Variants in ADAMTSL1 observed in about 807,000 individuals in gnomAD.
ADAMTSL1 encodes ADAMTS like 1.
A neutral mutation model predicts 201.8 loss-of-function variants in ADAMTSL1; 126 were observed. The observed-to-expected ratio is 0.62, with a 90% CI of 0.54 to 0.72. The LOEUF (loss-of-function observed/expected upper bound fraction) is 0.72. Among genes scored for constraint, ADAMTSL1 ranks in the 30% least tolerant of loss-of-function variants. The probability of loss-of-function intolerance (pLI) is 0.00; values close to 1 mark genes in which losing one functional copy is unlikely to be tolerated. For synonymous variants in ADAMTSL1, 1,121 were observed against 903.4 expected (o/e 1.24, Z -4.32); for missense variants, 2,679 against 2,277.8 (o/e 1.18, Z -3.59).
intron 1 of ADAMTSL1, among the ~76,000 whole-genome samples, chr9:18,493,896 T>C (rs1002203507): frequency 6.6e-6 from 1 of 152,214 alleles, no homozygotes; most frequent in Non-Finnish European, 1.5e-5. Flanking sequence ...ATTACGTATC[T>C]GGTGTTCTAC....
At chr9:17,961,258 AT>A (rs1393636207) in intron 1 of ADAMTSL1, among the ~76,000 whole-genome samples, 5 of 151,724 alleles carry the variant, frequency 3.3e-5, no homozygotes, top group South Asian at 4.2e-4. Flanking sequence ...TATTATTATT[AT>A]TTTTTTGAGA....
At chr9:18,328,109 G>T (rs552470081) in intron 2 of ADAMTSL1, among the ~76,000 whole-genome samples, 1 of 152,328 alleles carries the variant, frequency 6.6e-6, no homozygotes, top group African/African-American at 2.4e-5. Context: ...AGATTATGCA[G>T]ATTTTGAGAA....
chr9:18,837,267 G>A (rs1480210053), intron 23 of ADAMTSL1, among the ~76,000 whole-genome samples: 1 of 152,088 alleles, frequency 6.6e-6, no homozygotes, highest in African/African-American at 2.4e-5. Flanking sequence ...TCTTTAGTTA[G>A]TTTTGTATAT....
At chr9:17,987,121 G>GGA (rs1387216878) in intron 1 of ADAMTSL1, among the ~76,000 whole-genome samples, 1 of 151,964 alleles carries the variant, frequency 6.6e-6, no homozygotes, top group Non-Finnish European at 1.5e-5. Context: ...CTGAGTTTTC[G>GGA]GAGAGTATCT....
At chr9:18,560,557 G>A (rs542124290) in intron 3 of ADAMTSL1, among the ~76,000 whole-genome samples, 4 of 152,028 alleles carry the variant, frequency 2.6e-5, no homozygotes, top group South Asian at 4.2e-4. Context: ...TTCATTTTCT[G>A]TTGTTTGGAA....
intron 23 of ADAMTSL1, among the ~76,000 whole-genome samples, chr9:18,858,067 A>G (rs1305747321): frequency 6.6e-6 from 1 of 151,944 alleles, no homozygotes; most frequent in Non-Finnish European, 1.5e-5. Context: ...AAAAATGCAT[A>G]TATCTGTGCA....
At chr9:18,890,056 C>A (rs1428040455) in intron 25 of ADAMTSL1, among the ~76,000 whole-genome samples, 1 of 152,186 alleles carries the variant, frequency 6.6e-6, no homozygotes, top group Non-Finnish European at 1.5e-5. Flanking sequence ...AGACGCCCCC[C>A]ATCCTACAGT....
At chr9:18,878,034 C>G (rs1828280328) in intron 23 of ADAMTSL1, among the ~76,000 whole-genome samples, 1 of 152,108 alleles carries the variant, frequency 6.6e-6, no homozygotes, top group Admixed American at 6.5e-5. Context: ...CTATGTCATA[C>G]AAGTTGCCAT....
intron 2 of ADAMTSL1, among the ~76,000 whole-genome samples, chr9:18,308,033 A>C (rs1197423706): frequency 6.6e-6 from 1 of 152,192 alleles, no homozygotes; most frequent in African/African-American, 2.4e-5. Flanking sequence ...CTCAGGATTC[A>C]GAAACTCACT....
At chr9:18,033,447 A>C (rs1453922757) in intron 1 of ADAMTSL1, among the ~76,000 whole-genome samples, 1 of 152,206 alleles carries the variant, frequency 6.6e-6, no homozygotes, top group Non-Finnish European at 1.5e-5. Context: ...ATTTTAACAC[A>C]TTGTTTCCAC....
chr9:17,918,092 C>T (rs1345865172), intron 1 of ADAMTSL1, among the ~76,000 whole-genome samples: 1 of 151,746 alleles, frequency 6.6e-6, no homozygotes, highest in East Asian at 1.9e-4. Flanking sequence ...TTTTATCAAT[C>T]TTCTCAAAGA....
At chr9:18,332,735 A>G (rs1355041457) in intron 2 of ADAMTSL1, among the ~76,000 whole-genome samples, 1 of 152,206 alleles carries the variant, frequency 6.6e-6, no homozygotes, top group Non-Finnish European at 1.5e-5. Context: ...TAGAGCCTAT[A>G]TAGTTATTTC....
At chr9:18,701,527 C>G (rs1481130656) in intron 13 of ADAMTSL1, among the ~76,000 whole-genome samples, 1 of 152,140 alleles carries the variant, frequency 6.6e-6, no homozygotes, top group Non-Finnish European at 1.5e-5. Context: ...ATTTTAAACT[C>G]TAATTTTTCT....
chr9:18,622,408 A>G (rs1254764982), intron 5 of ADAMTSL1, 39 bp downstream of exon 5: 1 of 1,613,760 alleles, frequency 6.2e-7, no homozygotes, highest in Non-Finnish European at 8.5e-7. Context: ...GGACTTGTTG[A>G]CTTATCCTCT....
chr9:18,235,863 G>T (rs1296573725), intron 2 of ADAMTSL1, among the ~76,000 whole-genome samples: 1 of 152,094 alleles, frequency 6.6e-6, no homozygotes, highest in Non-Finnish European at 1.5e-5. Flanking sequence ...CACTGTATTT[G>T]GGGGGAATTC....
At chr9:18,181,782 A>G (rs1828490613) in intron 2 of ADAMTSL1, among the ~76,000 whole-genome samples, 1 of 151,734 alleles carries the variant, frequency 6.6e-6, no homozygotes, top group Non-Finnish European at 1.5e-5. Flanking sequence ...CCATCCCATT[A>G]CTGGGTATAT....
chr9:18,656,634 A>C (rs111522488), intron 7 of ADAMTSL1, among the ~76,000 whole-genome samples: 58 of 151,466 alleles, frequency 3.8e-4, no homozygotes, highest in African/African-American at 1.4e-3. Flanking sequence ...ATCGCAAAAA[A>C]AAAAAAAAAA....
rs966606560 is a variant in ADAMTSL1 at position 18,543,408 on chromosome 9, A to G, written c.237+10116A>G. ...AACAATGTTTCTGAAAAGAGAAATG[A>G]TGAGTGACTTTGATTGTTTCTCTGA... On this transcript the variant is annotated intron_variant, in intron 3 of 28. Coordinates refer to ENST00000380548, the MANE Select transcript of ADAMTSL1 (RefSeq NM_001040272.6). 5.9e-5 allele frequency among the ~76,000 whole-genome samples: 9 copies of G among 152,172 alleles called. No individual in the cohort carries two copies. In the East Asian group the frequency reaches 1.7e-3, roughly 29 times the overall value.
intron 1 of ADAMTSL1, among the ~76,000 whole-genome samples, chr9:17,969,171 A>C (rs1335757868): frequency 6.7e-6 from 1 of 150,158 alleles, no homozygotes; most frequent in African/African-American, 2.4e-5. Context: ...ATCAAAGACA[A>C]ATAAAACAGA....
Sources: allele counts gnomAD v4.1 joint callset (sites outside exome capture counted in the v4.1 genomes callset), GRCh38; gene constraint gnomAD v4.1.1; transcripts MANE v1.5; gene names NCBI Gene and HGNC (gene_info 2026-07-23, HGNC 2026-07-21).